RBCK1: variants seen among roughly 807,000 people sequenced by gnomAD.
The protein encoded by RBCK1 is ranBP-type and C3HC4-type zinc finger-containing protein 1.
A neutral mutation model predicts 71.1 loss-of-function variants in RBCK1; 44 were observed. The ratio of observed to expected loss-of-function variants is 0.62; its 90% CI spans 0.49 to 0.80. RBCK1 has a LOEUF of 0.80. Ranked by LOEUF, RBCK1 falls within the 30% of genes least tolerant of loss-of-function variation. RBCK1 has a pLI of 0.00. For synonymous variants in RBCK1, 306 were observed against 279.7 expected, an observed-to-expected ratio of 1.09 and a Z score of -0.94; for missense variants, 569 against 685.0, an observed-to-expected ratio of 0.83 and a Z score of 1.89.
At chr20:419,076 C>T (rs1224348093) in intron 4 of RBCK1, among the ~76,000 whole-genome samples, 1 of 152,232 alleles carries the variant, frequency 6.6e-6, no homozygotes, top group Admixed American at 6.5e-5. Context: ...TCTTGGGTCC[C>T]TCTTGGTGCA....
At position 431,911 on chromosome 20, in the gene RBCK1, C is replaced by T. The variant is rs1041797671; in HGVS notation, c.*1481C>T. On this transcript the variant is annotated 3_prime_UTR_variant, in exon 12 of 12. Transcript: ENST00000356286. The surrounding 1 kb of genome is among the most constrained non-coding windows in gnomAD (Gnocchi z 4.8). The stretch of plus-strand genomic sequence containing the variant: ...TGCAGGCGTGTGGATGGGACCAGCT[C>T]AGGCAGACGCTGTCTCATACCCACT... Among the ~76,000 whole-genome samples the T allele has an allele frequency of 2.0e-5, 3 of 152,168 alleles. No homozygotes were observed. The highest frequency in any genetic ancestry group is 7.2e-5 in the African/African-American group (3 of 41,450).
At position 431,501 on chromosome 20, in the gene RBCK1, C is replaced by CT. The variant is rs1246112069; in HGVS notation, c.*1072dup. 6.6e-6 allele frequency among the ~76,000 whole-genome samples: 1 copy of CT among 152,198 alleles called. No individual in the cohort carries two copies. Among genetic ancestry groups the CT allele is most frequent in the Non-Finnish European group, 1.5e-5 (1 of 68,042 alleles). ...TCTTTCCTCCGCTCTGTGACCCACC[C>CT]TCCTTCCCCTTTTGAGATCTGGTAT... is the stretch of plus-strand genomic sequence containing the variant. On this transcript the variant is annotated 3_prime_UTR_variant, in exon 12 of 12. Coordinates refer to ENST00000356286, the MANE Select transcript of RBCK1 (RefSeq NM_031229.4). This position sits in a 1 kb window ranked among gnomAD's most constrained non-coding sequence, Gnocchi z 4.8.
chr20:417,964 C>CG lies in RBCK1; in HGVS notation c.460+39dup, dbSNP rs752086794. Reference sequence around the variant, plus strand: ...CTGCCCTGAGCACCGCCGGACCCAGCGGGGGCCCTGGACTCACTTGAGGGC... The same window carrying CG: ...CTGCCCTGAGCACCGCCGGACCCAGCGGGGGGCCCTGGACTCACTTGAGGGC... On this transcript the variant is annotated intron_variant, in intron 4 of 11. Transcript: ENST00000356286. This position sits in a 1 kb window ranked among gnomAD's most constrained non-coding sequence, Gnocchi z 4.7. 5 of 1,581,856 alleles carry CG rather than the reference C, an allele frequency of 3.2e-6. No individual in the cohort carries two copies. The Admixed American group carries it at 6.9e-5, about 22-fold the overall frequency.
At position 408,567 on chromosome 20, in the gene RBCK1, C is replaced by A; in HGVS notation, c.-191C>A. The A allele has an allele frequency of 1.4e-6, 1 of 706,402 alleles. No homozygotes were observed. The highest frequency in any genetic ancestry group is 1.6e-5 in the South Asian group (1 of 61,224). 43.8% of individuals were successfully genotyped at this position (706,402 alleles called of 1,614,324 possible). A position where few individuals can be genotyped will look rare whatever the true frequency, so the allele number is the denominator to read the frequency against. On this transcript the variant is annotated 5_prime_UTR_variant, in exon 1 of 12. In the 5' UTR this introduces an upstream ATG that the reference lacks. Transcript: ENST00000356286. ...TCACCGCCCCACGCAGGATCCCGGC[C>A]TGGTCACCGGGCAGTGTGATGCTTC... is the stretch of plus-strand genomic sequence containing the variant.
At chr20:423,918 G>T (rs756145648) in intron 8 of RBCK1, among the ~76,000 whole-genome samples, 3 of 152,152 alleles carry the variant, frequency 2.0e-5, no homozygotes, top group African/African-American at 7.2e-5. Flanking sequence ...CCAGCAGGCT[G>T]CCCGGGCCTT....
chr20:425,551 T>C (rs1317299849), intron 8 of RBCK1, among the ~76,000 whole-genome samples: 4 of 152,202 alleles, frequency 2.6e-5, no homozygotes, highest in Non-Finnish European at 4.4e-5. Context: ...CAATAGCACA[T>C]ATACTGTTTA....
chr20:424,199 C>T (rs1347440537), intron 8 of RBCK1, among the ~76,000 whole-genome samples: 1 of 152,210 alleles, frequency 6.6e-6, no homozygotes, highest in Non-Finnish European at 1.5e-5. Context: ...TTCATGAATT[C>T]GTTAGCAGGT....
At chr20:409,673 G>C (rs2015580269) in intron 1 of RBCK1, among the ~76,000 whole-genome samples, 1 of 152,112 alleles carries the variant, frequency 6.6e-6, no homozygotes, top group Non-Finnish European at 1.5e-5. Flanking sequence ...ACAACCAAAT[G>C]AGCCTAGTGT....
At chr20:416,905 G>A (rs989611030) in intron 2 of RBCK1, among the ~76,000 whole-genome samples, 1 of 152,196 alleles carries the variant, frequency 6.6e-6, no homozygotes, top group African/African-American at 2.4e-5. Context: ...GCTGAGATGG[G>A]AAGAGCCCAG....
intron 8 of RBCK1, among the ~76,000 whole-genome samples, chr20:426,358 C>T (rs2016714762): frequency 6.6e-6 from 1 of 152,222 alleles, no homozygotes. Context: ...CCTCACTACC[C>T]TTTGCAGCCT....
In RBCK1 at chr20:417,635, G is replaced by A. The variant is rs2122226093; in HGVS notation, c.261+16G>A. 6.2e-7 allele frequency: 1 copy of A among 1,611,698 alleles called. No homozygotes were observed. Among genetic ancestry groups the A allele is most frequent in the Non-Finnish European group, 8.5e-7 (1 of 1,178,034 alleles). ...CAAGGACATGGTGAGTGAGGAGGCG[G>A]AGGGCGACACTGGGGTGAAGGCTCT... On this transcript the variant is annotated intron_variant, in intron 3 of 11. Coordinates refer to ENST00000356286, the MANE Select transcript of RBCK1 (RefSeq NM_031229.4). This position sits in a 1 kb window ranked among gnomAD's most constrained non-coding sequence, Gnocchi z 4.7.
intron 8 of RBCK1, among the ~76,000 whole-genome samples, chr20:425,842 G>A (rs911386925): frequency 5.9e-5 from 9 of 152,130 alleles, no homozygotes; most frequent in Non-Finnish European, 2.9e-5. Flanking sequence ...GGCCAAGCTA[G>A]TCTTAAACTC....
In RBCK1 at chr20:417,483, C is replaced by T; in HGVS notation, c.168-43C>T. The T allele has an allele frequency of 6.3e-7, 1 of 1,587,824 alleles. No individual in the cohort carries two copies. Among genetic ancestry groups the T allele is most frequent in the Non-Finnish European group, 8.6e-7 (1 of 1,158,776 alleles). On this transcript the variant is annotated intron_variant, in intron 2 of 11. Coordinates refer to ENST00000356286, the MANE Select transcript of RBCK1 (RefSeq NM_031229.4). This position sits in a 1 kb window ranked among gnomAD's most constrained non-coding sequence, Gnocchi z 4.7. ...TCTGTAGCCGGTGGCTGAGGCTGGA[C>T]CCCTGGCCAGAGCCCATGCTGAGCC...
At chr20:412,320 T>C (rs2015756157) in intron 2 of RBCK1, among the ~76,000 whole-genome samples, 1 of 149,086 alleles carries the variant, frequency 6.7e-6, no homozygotes, top group South Asian at 2.2e-4. Context: ...TAAAATTGGG[T>C]TTATCTTTTT....
In RBCK1 at chr20:408,343, C is replaced by G; in HGVS notation, c.-415C>G. The G allele has an allele frequency of 4.0e-6, 1 of 250,248 alleles. No individual in the cohort carries two copies. The highest frequency in any genetic ancestry group is 9.3e-5 in the East Asian group (1 of 10,734). 15.5% of individuals were successfully genotyped at this position (250,248 alleles called of 1,614,324 possible). On this transcript the variant is annotated 5_prime_UTR_variant, in exon 1 of 12. Transcript: ENST00000356286. ...CCGAAGCCGCTCCCCTTGCGAAGAA[C>G]TGGGGCCTCCCGGGAGGAGAGAGGG... is the stretch of plus-strand genomic sequence containing the variant.
chr20:408,523 C>CT lies in RBCK1; in HGVS notation c.-234dup, dbSNP rs2015503124. 3.3e-6 allele frequency: 2 copies of CT among 606,350 alleles called. No homozygotes were observed. 37.6% of individuals were successfully genotyped at this position (606,350 alleles called of 1,614,324 possible). ...CCTCCTGCGCCCAGTGCGGACCTGTCTCGGCGCCCGCTGCCCTCTCACCGC... is the reference window on the plus strand; with the variant it reads ...CCTCCTGCGCCCAGTGCGGACCTGTCTTCGGCGCCCGCTGCCCTCTCACCGC... On this transcript the variant is annotated 5_prime_UTR_variant, in exon 1 of 12. Coordinates refer to ENST00000356286, the MANE Select transcript of RBCK1 (RefSeq NM_031229.4).
intron 7 of RBCK1, among the ~76,000 whole-genome samples, chr20:421,310 C>T (rs879609256): frequency 1.3e-5 from 2 of 152,194 alleles, no homozygotes; most frequent in African/African-American, 2.4e-5. Flanking sequence ...CGCCCGGGCT[C>T]CTGCAGCCAC....
chr20:425,241 C>G (rs545079804), intron 8 of RBCK1, among the ~76,000 whole-genome samples: 34 of 152,312 alleles, frequency 2.2e-4, no homozygotes, highest in African/African-American at 7.7e-4. Context: ...GAACTCCTGA[C>G]CTCAGGTGAT....
chr20:431,346 T>G lies in RBCK1; in HGVS notation c.*916T>G, dbSNP rs1038486287. On this transcript the variant is annotated 3_prime_UTR_variant, in exon 12 of 12. Coordinates refer to ENST00000356286, the MANE Select transcript of RBCK1 (RefSeq NM_031229.4). This position sits in a 1 kb window ranked among gnomAD's most constrained non-coding sequence, Gnocchi z 4.8. ...GAACGAAGCTGCTGCAGTTGAGGGG[T>G]GGGGTTGTCCATCCTATTTTCTCGT... 9.2e-5 allele frequency among the ~76,000 whole-genome samples: 14 copies of G among 151,996 alleles called. No homozygotes were observed. The highest frequency in any genetic ancestry group is 7.9e-4 in the Admixed American group (12 of 15,254).
Sources: gnomAD v4.1 joint callset for allele counts (sites outside exome capture counted in the v4.1 genomes callset) on GRCh38, gnomAD v4.1.1 for gene constraint, Gnocchi (gnomAD v3.1) non-coding constraint, MANE v1.5 for transcripts, NCBI Gene and HGNC (gene_info 2026-07-23, HGNC 2026-07-21) for gene names.